The following BMPR2 variants were observed in gnomAD, a reference collection of about 807,000 sequenced individuals.
BMPR2 encodes bone morphogenetic protein receptor type-2.
A neutral mutation model predicts 100.8 loss-of-function variants in BMPR2; 29 were observed. The observed-to-expected ratio is 0.29, with a 90% confidence interval of 0.21 to 0.39. BMPR2 has a LOEUF of 0.39. Ranked by LOEUF, BMPR2 falls within the 10% of genes least tolerant of loss-of-function variation. The pLI is 1.00. For synonymous variants in BMPR2, 382 were observed against 442.3 expected, an observed-to-expected ratio of 0.86 and a Z score of 1.71; for missense variants, 1,011 against 1,274.5, an observed-to-expected ratio of 0.79 and a Z score of 3.15.
intron 8 of BMPR2, among the ~76,000 whole-genome samples, chr2:202,531,930 ATT>A (rs71035015): frequency 2.8e-3 from 145 of 52,278 alleles, no homozygotes; most frequent in African/African-American, 0.011. Context: ...GCCCAGCTGT[ATT>A]TTTTTTTTTT....
chr2:202,428,731 G>A (rs1035718331), intron 1 of BMPR2, among the ~76,000 whole-genome samples: 1 of 152,032 alleles, frequency 6.6e-6, no homozygotes, highest in African/African-American at 2.4e-5. Context: ...GTGTACACAC[G>A]CATACTGTCT....
chr2:202,487,921 G>A (rs1320227609), intron 3 of BMPR2, among the ~76,000 whole-genome samples: 1 of 152,180 alleles, frequency 6.6e-6, no homozygotes, highest in African/African-American at 2.4e-5. Flanking sequence ...TTTTGGCCAG[G>A]CTGGTCTTGA....
rs544867659 is a variant in BMPR2 at position 202,436,455 on chromosome 2, AAAC to A, written c.77-28346_77-28344del. ...AGTGAGACCCTGTCTCAAGAAAAAA[AAAC>A]AACAACAGCAGCAACAAAAAAACCC... On this transcript the variant is annotated intron_variant, in intron 1 of 12. Transcript: ENST00000374580. 2.9e-3 allele frequency among the ~76,000 whole-genome samples: 430 copies of A among 150,782 alleles called. 34 individuals are homozygous for A. Among genetic ancestry groups the A allele is most frequent in the South Asian group, 0.017 (80 of 4,828 alleles).
intron 1 of BMPR2, among the ~76,000 whole-genome samples, chr2:202,431,898 C>CT (rs561278401): frequency 7.3e-5 from 11 of 150,592 alleles, no homozygotes; most frequent in Non-Finnish European, 1.3e-4. Flanking sequence ...ATGAAAAACT[C>CT]TTTTTTTCTA....
intron 1 of BMPR2, among the ~76,000 whole-genome samples, chr2:202,462,434 T>A (rs1007208757): frequency 6.6e-6 from 1 of 152,142 alleles, no homozygotes; most frequent in African/African-American, 2.4e-5. Flanking sequence ...TTGGCCCGGC[T>A]GGTCTCAAAC....
intron 1 of BMPR2, among the ~76,000 whole-genome samples, chr2:202,378,557 A>G (rs1690205709): frequency 6.6e-6 from 1 of 152,100 alleles, no homozygotes; most frequent in Admixed American, 6.6e-5. Flanking sequence ...TTACTTGCTT[A>G]TTTTCATTTT....
intron 1 of BMPR2, among the ~76,000 whole-genome samples, chr2:202,391,642 A>G (rs1307560239): frequency 6.6e-6 from 1 of 151,100 alleles, no homozygotes; most frequent in Non-Finnish European, 1.5e-5. Context: ...GCTGGAGTGC[A>G]GTGGTTCAAT....
At chr2:202,460,087 A>G (rs1320604827) in intron 1 of BMPR2, among the ~76,000 whole-genome samples, 2 of 152,246 alleles carry the variant, frequency 1.3e-5, no homozygotes, top group Non-Finnish European at 2.9e-5. Context: ...CAAAATGGCT[A>G]TTATCAAAAA....
At chr2:202,407,403 G>A (rs997853100) in intron 1 of BMPR2, among the ~76,000 whole-genome samples, 3 of 152,146 alleles carry the variant, frequency 2.0e-5, no homozygotes, top group Non-Finnish European at 4.4e-5. Context: ...TTCTTCATGC[G>A]TATATTTGTT....
At chr2:202,441,352 A>G (rs1574450871) in intron 1 of BMPR2, among the ~76,000 whole-genome samples, 1 of 150,432 alleles carries the variant, frequency 6.6e-6, no homozygotes, top group East Asian at 1.9e-4. Context: ...AGAGTGCAAT[A>G]AATATCTTTT....
chr2:202,412,872 G>T (rs1400551422), intron 1 of BMPR2, among the ~76,000 whole-genome samples: 1 of 152,038 alleles, frequency 6.6e-6, no homozygotes, highest in Non-Finnish European at 1.5e-5. Context: ...TGAAATTAAG[G>T]CAGGAAGAGG....
In BMPR2 at chr2:202,435,141, C is replaced by T. The variant is rs570423195; in HGVS notation, c.77-29668C>T. On this transcript the variant is annotated intron_variant, in intron 1 of 12. Coordinates refer to ENST00000374580, the MANE Select transcript of BMPR2 (RefSeq NM_001204.7). ...TTGGGAGGCCAAGGCAGGCAGATCA[C>T]CTGAGGTCAGGAGTTTGAGATCAGC... 8.6e-4 allele frequency among the ~76,000 whole-genome samples: 125 copies of T among 144,766 alleles called. 6 individuals carry two copies. The highest frequency in any genetic ancestry group is 3.1e-3 in the African/African-American group (117 of 37,384). The allele number at this position is 144,766 out of a possible 152,430, so 95.0% of individuals were successfully genotyped here. A position where few individuals can be genotyped will look rare whatever the true frequency, so the allele number is the denominator to read the frequency against.
At chr2:202,534,696 A>G (rs1448724928) in intron 9 of BMPR2, among the ~76,000 whole-genome samples, 2 of 152,138 alleles carry the variant, frequency 1.3e-5, no homozygotes, top group African/African-American at 2.4e-5. Context: ...TGATTTCTCA[A>G]TCTTTTCCCC....
Position 202,432,772 on chromosome 2 carries a change from T to G in BMPR2, c.77-32037T>G, listed in dbSNP as rs1404588050. 2.0e-5 allele frequency among the ~76,000 whole-genome samples: 3 copies of G among 150,650 alleles called. 1 individual carries two copies. The highest frequency in any genetic ancestry group is 5.0e-5 in the African/African-American group (2 of 39,946). ...TGTTCTGTTTCTCAGATTCTGATCT[T>G]AAAGTCATTTTATCATATAGCATTG... On this transcript the variant is annotated intron_variant, in intron 1 of 12. Transcript: ENST00000374580.
chr2:202,465,831 C>T (rs1015137859), intron 2 of BMPR2, among the ~76,000 whole-genome samples: 24 of 151,540 alleles, frequency 1.6e-4, no homozygotes, highest in Non-Finnish European at 2.7e-4. Context: ...CCAGCCTGGG[C>T]GACAGAGCGA....
intron 3 of BMPR2, chr2:202,474,754 C>T (rs1692507906): frequency 6.6e-6 from 1 of 152,158 alleles, no homozygotes; most frequent in Non-Finnish European, 1.5e-5. Context: ...ATCTCCTGAC[C>T]TCATGATCCG....
chr2:202,548,084 TAA>T (rs59534169), intron 10 of BMPR2, among the ~76,000 whole-genome samples: 45 of 149,648 alleles, frequency 3.0e-4, no homozygotes, highest in Admixed American at 6.0e-4. Context: ...GATTCCATCT[TAA>T]AAAAAAAAAA....
At chr2:202,393,653 T>A (rs777273787) in intron 1 of BMPR2, among the ~76,000 whole-genome samples, 10 of 152,042 alleles carry the variant, frequency 6.6e-5, no homozygotes, top group Non-Finnish European at 1.0e-4. Flanking sequence ...CAAAGAATTA[T>A]ATTTGAAAAC....
intron 1 of BMPR2, among the ~76,000 whole-genome samples, chr2:202,426,237 A>C (rs551691282): frequency 6.6e-6 from 1 of 152,220 alleles, no homozygotes; most frequent in African/African-American, 2.4e-5. Flanking sequence ...AGCAAGAAAT[A>C]AACTTCTGTT....
Sources: allele counts gnomAD v4.1 joint callset (sites outside exome capture counted in the v4.1 genomes callset), GRCh38; gene constraint gnomAD v4.1.1; transcripts MANE v1.5; gene names NCBI Gene and HGNC (gene_info 2026-07-23, HGNC 2026-07-21).